Variants in ARHGEF7 observed in about 807,000 individuals in gnomAD.
ARHGEF7 encodes Rho guanine nucleotide exchange factor 7.
A neutral mutation model predicts 109.8 loss-of-function variants in ARHGEF7; 33 were observed. The ratio of observed to expected loss-of-function variants is 0.30; its 90% CI spans 0.23 to 0.40. The LOEUF (loss-of-function observed/expected upper bound fraction) is 0.40, where lower values mean the gene tolerates loss of function less well. Among genes scored for constraint, ARHGEF7 ranks in the 10% least tolerant of loss-of-function variants. The pLI is 1.00. For missense variants in ARHGEF7, 938 were observed against 1,098.5 expected (o/e 0.85, Z 2.07); for synonymous variants, 458 against 424.6 (o/e 1.08, Z -0.97).
At chr13:111,242,535 A>G (rs117145926) in intron 6 of ARHGEF7, among the ~76,000 whole-genome samples, 3,412 of 152,346 alleles carry the variant, frequency 0.022, 51 homozygotes, top group African/African-American at 0.043. Flanking sequence ...ATCTTGATGC[A>G]TGTACTAGAT....
intron 6 of ARHGEF7, chr13:111,241,453 A>G (rs1025397054): frequency 1.4e-5 from 15 of 1,065,082 alleles, no homozygotes; most frequent in Non-Finnish European, 1.9e-5. Flanking sequence ...TTTGAGGAAA[A>G]GTTAAGTGTA....
chr13:111,115,683 A>C lies in ARHGEF7; in HGVS notation c.157A>C (p.Ile53Leu). 2.4e-6 allele frequency: 3 copies of C among 1,265,872 alleles called. No individual in the cohort carries two copies. Among genetic ancestry groups the C allele is most frequent in the Non-Finnish European group, 3.0e-6 (3 of 998,566 alleles). The allele number at this position is 1,265,872 out of a possible 1,614,324, so 78.4% of individuals were successfully genotyped here. The change falls in exon 1 of 22, where the codon ATC becomes CTC. Residue 53 changes from isoleucine to leucine, a missense_variant. By Grantham distance (5) the Ile-to-Leu change is conservative (BLOSUM62 2). Transcript: ENST00000646102. The part of the protein sequence containing the change: ...RLLERLLPGT[I>L]EKVYPEPRSE... ...GCTGGAGCGCCTGCTCCCCGGGACC[A>C]TCGAGAAAGTAAGTCCCGGCCCGCG...
intron 2 of ARHGEF7, among the ~76,000 whole-genome samples, chr13:111,175,441 C>G (rs2078049231): frequency 6.6e-6 from 1 of 152,216 alleles, no homozygotes; most frequent in Non-Finnish European, 1.5e-5. Context: ...CCCTCTCAGT[C>G]AGGGTGTTGC....
chr13:111,243,340 A>G (rs917338704), intron 6 of ARHGEF7, among the ~76,000 whole-genome samples: 1 of 152,220 alleles, frequency 6.6e-6, no homozygotes, highest in Non-Finnish European at 1.5e-5. Flanking sequence ...CCCAAATCAA[A>G]ATACAGAACC....
chr13:111,293,748 C>T, intron 19 of ARHGEF7: 4 of 985,310 alleles, frequency 4.1e-6, no homozygotes, highest in Non-Finnish European at 4.8e-6. Context: ...GCTGTAATTC[C>T]AGGTGGCCGT....
intron 4 of ARHGEF7, among the ~76,000 whole-genome samples, chr13:111,213,366 G>A (rs763041244): frequency 6.6e-5 from 10 of 152,162 alleles, no homozygotes; most frequent in East Asian, 1.9e-4. Flanking sequence ...GACACGTAAC[G>A]TACATAGAAA....
At chr13:111,212,408 A>C (rs1325661065) in intron 4 of ARHGEF7, among the ~76,000 whole-genome samples, 1 of 152,186 alleles carries the variant, frequency 6.6e-6, no homozygotes, top group Non-Finnish European at 1.5e-5. Flanking sequence ...CTCATAGATA[A>C]GGCATGAGTT....
At chr13:111,217,534 G>A in intron 4 of ARHGEF7, 145 bp from the exon 5 acceptor site, 1 of 743,544 alleles carries the variant, frequency 1.3e-6, no homozygotes, top group South Asian at 1.8e-5. Context: ...ATGGGGCACT[G>A]GAAGGGAGGA....
At chr13:111,219,870 G>C (rs1018356396) in intron 5 of ARHGEF7, among the ~76,000 whole-genome samples, 2 of 152,148 alleles carry the variant, frequency 1.3e-5, no homozygotes, top group Non-Finnish European at 2.9e-5. Context: ...GTATTGCTGG[G>C]ATATTAAGAA....
At chr13:111,162,754 T>A (rs1291649658) in intron 2 of ARHGEF7, among the ~76,000 whole-genome samples, 2 of 152,228 alleles carry the variant, frequency 1.3e-5, no homozygotes, top group African/African-American at 2.4e-5. Flanking sequence ...AGATTTTTTT[T>A]AGCCAAGATT....
At chr13:111,158,571 G>A (rs995782416) in intron 2 of ARHGEF7, among the ~76,000 whole-genome samples, 1 of 152,146 alleles carries the variant, frequency 6.6e-6, no homozygotes, top group Non-Finnish European at 1.5e-5. Flanking sequence ...GCATCCAAAG[G>A]CCCAGGTGGT....
At chr13:111,194,223 G>C (rs1287454170) in intron 2 of ARHGEF7, among the ~76,000 whole-genome samples, 4 of 152,178 alleles carry the variant, frequency 2.6e-5, no homozygotes, top group Non-Finnish European at 5.9e-5. Context: ...CTCTCTCTCT[G>C]ATATATAAAG....
At chr13:111,204,905 G>T in intron 2 of ARHGEF7, among the ~76,000 whole-genome samples, 1 of 152,210 alleles carries the variant, frequency 6.6e-6, no homozygotes, top group East Asian at 1.9e-4. Flanking sequence ...AAGAACATCT[G>T]TAGCACGCCT....
chr13:111,262,935 G>A (rs1485377399), intron 8 of ARHGEF7, among the ~76,000 whole-genome samples: 1 of 152,230 alleles, frequency 6.6e-6, no homozygotes, highest in Admixed American at 6.5e-5. Flanking sequence ...TGACTCATGT[G>A]CACCATCCTG....
At chr13:111,283,407 T>C in intron 16 of ARHGEF7, 44 bp downstream of exon 16, 1 of 1,529,466 alleles carries the variant, frequency 6.5e-7, no homozygotes, top group East Asian at 2.4e-5. Context: ...ACGGTGAGCA[T>C]GCCTCGGGCC....
intron 4 of ARHGEF7, among the ~76,000 whole-genome samples, chr13:111,216,129 A>G (rs773949774): frequency 3.9e-5 from 6 of 152,116 alleles, no homozygotes; most frequent in Non-Finnish European, 7.4e-5. Context: ...TGGTATATTT[A>G]TGTCTTCTGT....
chr13:111,264,003 A>G (rs948949895), intron 8 of ARHGEF7, among the ~76,000 whole-genome samples: 1 of 152,188 alleles, frequency 6.6e-6, no homozygotes, highest in East Asian at 1.9e-4. Flanking sequence ...AATTTGAGTC[A>G]GTGACTACCC....
intron 2 of ARHGEF7, among the ~76,000 whole-genome samples, chr13:111,199,486 G>C (rs1435747897): frequency 2.0e-5 from 3 of 152,190 alleles, no homozygotes; most frequent in Non-Finnish European, 4.4e-5. Context: ...TAAGCTCCCT[G>C]ATGTTGCCTG....
intron 17 of ARHGEF7, among the ~76,000 whole-genome samples, chr13:111,286,489 C>T (rs1219755177): frequency 6.6e-6 from 1 of 152,198 alleles, no homozygotes. Flanking sequence ...CTTCCTCATC[C>T]AGGAGCTGGG....
Sources: gnomAD v4.1 joint callset for allele counts (sites outside exome capture counted in the v4.1 genomes callset) on GRCh38, gnomAD v4.1.1 for gene constraint, MANE v1.5 for transcripts, NCBI Gene and HGNC (gene_info 2026-07-23, HGNC 2026-07-21) for gene names.